Variants in DCAF6 observed in about 807,000 individuals in gnomAD.
DCAF6 encodes the protein DDB1 and CUL4 associated factor 6.
DCAF6 carries 54 observed loss-of-function variants against 125.1 expected under a neutral mutation model. The observed-to-expected ratio is 0.43, with a 90% CI of 0.35 to 0.54. The LOEUF (loss-of-function observed/expected upper bound fraction) is 0.54. Ranked by LOEUF, DCAF6 falls within the 20% of genes least tolerant of loss-of-function variation. The pLI, the probability that DCAF6 is intolerant of heterozygous loss-of-function variation, is 0.01. For synonymous variants in DCAF6, 371 were observed against 390.4 expected, an observed-to-expected ratio of 0.95 and a Z score of 0.58; for missense variants, 934 against 1,161.7, an observed-to-expected ratio of 0.80 and a Z score of 2.85.
chr1:167,869,219 T>G, the DCAF6 span, among the ~76,000 whole-genome samples: 1 of 152,200 alleles, frequency 6.6e-6, no homozygotes, highest in African/African-American at 2.4e-5. Flanking sequence ...GTTATAATAG[T>G]AATAGAAACC....
chr1:167,980,414 G>C (rs1678922555), intron 4 of DCAF6, among the ~76,000 whole-genome samples: 1 of 148,758 alleles, frequency 6.7e-6, no homozygotes, highest in African/African-American at 2.6e-5. Flanking sequence ...TTCCATAGCA[G>C]CTCCACTATT....
chr1:168,020,263 G>T (rs1374777891), intron 11 of DCAF6, among the ~76,000 whole-genome samples: 1 of 152,158 alleles, frequency 6.6e-6, no homozygotes, highest in Non-Finnish European at 1.5e-5. Flanking sequence ...ACTTAGACAA[G>T]TTAAATAACT....
Position 167,974,810 on chromosome 1 carries a change from G to T in DCAF6, c.253-20G>T, listed in dbSNP as rs1295076988. The T allele has an allele frequency of 6.8e-7, 1 of 1,474,216 alleles. No individual in the cohort carries two copies. The highest frequency in any genetic ancestry group is 9.0e-7 in the Non-Finnish European group (1 of 1,109,650). The allele number at this position is 1,474,216 out of a possible 1,614,324, so 91.3% of individuals were successfully genotyped here. Reference sequence around the variant, plus strand: ...AGGAAATAATAAGTTACCATTAACTGCTTTCTTTGTGTGTTTTAGGTTTTG... The same window carrying T: ...AGGAAATAATAAGTTACCATTAACTTCTTTCTTTGTGTGTTTTAGGTTTTG... On this transcript the variant is annotated intron_variant, in intron 3 of 21. Transcript: ENST00000367840.
At chr1:167,976,897 T>G (rs1190509716) in intron 4 of DCAF6, among the ~76,000 whole-genome samples, 5 of 115,306 alleles carry the variant, frequency 4.3e-5, no homozygotes, top group South Asian at 3.0e-4. Flanking sequence ...TTTTTTTTTT[T>G]TTTTTTTTTT....
Position 168,075,502 on chromosome 1 carries a change from T to G in DCAF6, c.*67T>G, listed in dbSNP as rs1318977227. The G allele has an allele frequency of 7.3e-7, 1 of 1,378,166 alleles. No individual in the cohort carries two copies. Among genetic ancestry groups the G allele is most frequent in the African/African-American group, 1.5e-5 (1 of 66,958 alleles). The allele number at this position is 1,378,166 out of a possible 1,614,324, so 85.4% of individuals were successfully genotyped here. ...ATAAGACATTTATTATATTTTTTTC[T>G]TTACAGAGCTTTAGTGCAATTTTAA... On this transcript the variant is annotated 3_prime_UTR_variant, in exon 22 of 22. Coordinates refer to ENST00000367840, the MANE Select transcript of DCAF6 (RefSeq NM_001198956.2).
At chr1:167,989,107 C>T (rs923018703) in intron 5 of DCAF6, among the ~76,000 whole-genome samples, 1 of 152,034 alleles carries the variant, frequency 6.6e-6, no homozygotes, top group Non-Finnish European at 1.5e-5. Flanking sequence ...ACAAAAAAAC[C>T]TTTAAACATA....
chr1:167,904,486 G>T, the DCAF6 span: 1 of 219,498 alleles, frequency 4.6e-6, no homozygotes, highest in African/African-American at 2.3e-5. Context: ...TTAGGGGTCA[G>T]GAAAAGGCTC....
At chr1:168,022,202 T>C (rs1025794368) in intron 11 of DCAF6, among the ~76,000 whole-genome samples, 2 of 152,186 alleles carry the variant, frequency 1.3e-5, no homozygotes, top group Admixed American at 1.3e-4. Context: ...GCTGCCTGCC[T>C]TAATACCAGT....
chr1:167,907,561 T>C, the DCAF6 span, among the ~76,000 whole-genome samples: 3 of 152,190 alleles, frequency 2.0e-5, no homozygotes, highest in Non-Finnish European at 4.4e-5. Flanking sequence ...GCAAATTACA[T>C]GACCATGCCT....
chr1:167,938,371 T>C (rs918485911), intron 1 of DCAF6, among the ~76,000 whole-genome samples: 5 of 152,172 alleles, frequency 3.3e-5, no homozygotes, highest in Non-Finnish European at 7.4e-5. Context: ...GCAGTAAAAA[T>C]AGATTGATTC....
Position 168,004,648 on chromosome 1 carries a change from T to C in DCAF6, c.1233T>C (p.Pro411=), listed in dbSNP as rs757082471. The C allele has an allele frequency of 1.9e-5, 30 of 1,613,888 alleles. 1 individual carries two copies. In the South Asian group the frequency reaches 3.3e-4, roughly 18 times the overall value. The part of the protein sequence containing the change: ...VDTPAEQFLQ[P]STSSTMSAQA... ...CTCCAGCTGAACAATTTCTTCAGCCTTCTACATCCTCTACAATGTCAGCTC... is the reference window on the plus strand; with the variant it reads ...CTCCAGCTGAACAATTTCTTCAGCCCTCTACATCCTCTACAATGTCAGCTC... Residue 411 remains proline, a synonymous_variant, in exon 10 of 22, where the codon CCT becomes CCC. Coordinates refer to ENST00000367840, the MANE Select transcript of DCAF6 (RefSeq NM_001198956.2).
At chr1:167,919,190 C>G in the DCAF6 span, among the ~76,000 whole-genome samples, 1 of 152,200 alleles carries the variant, frequency 6.6e-6, no homozygotes, top group Non-Finnish European at 1.5e-5. Context: ...ATTGGGTTAA[C>G]AGCCTGTAAA....
At chr1:167,945,469 A>G (rs915597296) in intron 1 of DCAF6, among the ~76,000 whole-genome samples, 4 of 151,558 alleles carry the variant, frequency 2.6e-5, no homozygotes, top group African/African-American at 9.7e-5. Context: ...GTGTGTGTGT[A>G]TGTGTGTGTT....
intron 1 of DCAF6, among the ~76,000 whole-genome samples, chr1:167,950,342 C>A (rs1673731413): frequency 1.3e-5 from 2 of 152,122 alleles, no homozygotes. Flanking sequence ...AATCTTTTTA[C>A]AAGCGAAAAT....
chr1:168,070,850 C>T (rs1692930632), intron 21 of DCAF6, among the ~76,000 whole-genome samples: 2 of 152,148 alleles, frequency 1.3e-5, no homozygotes, highest in African/African-American at 4.8e-5. Flanking sequence ...TAAAATTCTC[C>T]TTTGCCCACA....
intron 10 of DCAF6, among the ~76,000 whole-genome samples, chr1:168,007,997 GTC>G (rs1683591999): frequency 1.0e-5 from 1 of 100,152 alleles, no homozygotes; most frequent in African/African-American, 3.9e-5. Flanking sequence ...TTTAAAGACA[GTC>G]TCACTCTGTC....
chr1:168,066,571 T>C (rs2101982607), intron 20 of DCAF6, 106 bp downstream of exon 20: 2 of 749,646 alleles, frequency 2.7e-6, no homozygotes, highest in Non-Finnish European at 4.4e-6. Flanking sequence ...AACAAGTTAA[T>C]GCAGTTAAGG....
the DCAF6 span, among the ~76,000 whole-genome samples, chr1:167,894,468 G>A: frequency 0.22 from 33,201 of 152,028 alleles, 3,689 homozygotes; most frequent in Middle Eastern, 0.28. Context: ...CATGATCTCT[G>A]TGGTTCCCTT....
At chr1:168,038,198 TATAAA>T (rs983873145) in intron 12 of DCAF6, among the ~76,000 whole-genome samples, 168 bp from the exon 13 acceptor site, 51 of 152,278 alleles carry the variant, frequency 3.3e-4, no homozygotes, top group African/African-American at 1.2e-3. Flanking sequence ...TACTTTGAAA[TATAAA>T]AGAGTATTTC....
Sources: allele counts gnomAD v4.1 joint callset (sites outside exome capture counted in the v4.1 genomes callset), GRCh38; gene constraint gnomAD v4.1.1; transcripts MANE v1.5; gene names NCBI Gene and HGNC (gene_info 2026-07-23, HGNC 2026-07-21).